The following KCNAB2 variants were observed in gnomAD, a reference collection of about 807,000 sequenced individuals.
The protein encoded by KCNAB2 is voltage-gated potassium channel subunit beta-2.
Under a neutral mutation model 63.6 loss-of-function variants are expected in KCNAB2, and 29 were observed. The observed-to-expected ratio is 0.46, with a 90% confidence interval of 0.34 to 0.62. The LOEUF (loss-of-function observed/expected upper bound fraction) is 0.62. Ranked by LOEUF, KCNAB2 falls within the 20% of genes least tolerant of loss-of-function variation. KCNAB2 has a pLI of 0.01. For missense variants in KCNAB2, 359 were observed against 563.9 expected (o/e 0.64, Z 3.68); for synonymous variants, 222 against 224.2 (o/e 0.99, Z 0.09).
chr1:6,009,991 C>T (rs1028028577), intron 1 of KCNAB2, among the ~76,000 whole-genome samples: 1 of 151,946 alleles, frequency 6.6e-6, no homozygotes, highest in South Asian at 2.1e-4. Flanking sequence ...CTGCCTCGGC[C>T]TCTGGTGTAG....
chr1:6,052,412 C>T (rs972449719), intron 2 of KCNAB2, among the ~76,000 whole-genome samples: 2 of 149,184 alleles, frequency 1.3e-5, no homozygotes, highest in Admixed American at 6.7e-5. Context: ...GGTGACAGAG[C>T]GAGACTCCAT....
At chr1:6,054,743 T>C (rs1384619185) in intron 2 of KCNAB2, among the ~76,000 whole-genome samples, 2 of 152,210 alleles carry the variant, frequency 1.3e-5, no homozygotes, top group African/African-American at 4.8e-5. Flanking sequence ...TCTGATTGGT[T>C]GCAGAAAGTG....
At chr1:6,011,932 G>A (rs993979939) in intron 1 of KCNAB2, among the ~76,000 whole-genome samples, 3 of 152,224 alleles carry the variant, frequency 2.0e-5, no homozygotes, top group African/African-American at 4.8e-5. Flanking sequence ...GAAAGCAGTA[G>A]TGCTCAGAGG....
At chr1:6,042,717 C>CT (rs1660592846), upstream of KCNAB2, among the ~76,000 whole-genome samples, 1 of 152,164 alleles carries the variant, frequency 6.6e-6, no homozygotes, top group Non-Finnish European at 1.5e-5. Context: ...GCCGGGAGGT[C>CT]TCTCTATTCG....
intron 1 of KCNAB2, among the ~76,000 whole-genome samples, chr1:6,021,805 T>C (rs1029664782): frequency 6.6e-6 from 1 of 151,578 alleles, no homozygotes; most frequent in African/African-American, 2.4e-5. Context: ...GAGTGTACAG[T>C]TCAGTGGTAT....
At chr1:5,996,921 C>A (rs190792109) in intron 1 of KCNAB2, among the ~76,000 whole-genome samples, 2 of 152,318 alleles carry the variant, frequency 1.3e-5, no homozygotes, top group Non-Finnish European at 2.9e-5. Context: ...TCCTGTAGAC[C>A]CCTGAGGTCT....
At chr1:6,084,495 G>A (rs538537091) in intron 5 of KCNAB2, among the ~76,000 whole-genome samples, 3 of 152,352 alleles carry the variant, frequency 2.0e-5, no homozygotes, top group East Asian at 3.9e-4. Flanking sequence ...AAAACAGAGC[G>A]TGACTTGATG....
chr1:6,056,021 G>A (rs1416130862), intron 2 of KCNAB2, among the ~76,000 whole-genome samples: 5 of 151,772 alleles, frequency 3.3e-5, no homozygotes, highest in Non-Finnish European at 1.5e-5. Context: ...GCTGATGGAG[G>A]TGGACGGCAG....
intron 2 of KCNAB2, among the ~76,000 whole-genome samples, chr1:6,058,211 C>T (rs1662004427): frequency 6.6e-6 from 1 of 152,174 alleles, no homozygotes; most frequent in African/African-American, 2.4e-5. Context: ...TAATCCAGGA[C>T]CATCGCATCT....
intron 15 of KCNAB2, 108 bp downstream of exon 15, chr1:6,097,465 G>A: frequency 6.5e-7 from 1 of 1,532,866 alleles, no homozygotes; most frequent in Non-Finnish European, 8.8e-7. Flanking sequence ...TAGGCACTCA[G>A]GATGCGCCCG....
At chr1:6,067,528 C>T (rs919110040) in intron 2 of KCNAB2, among the ~76,000 whole-genome samples, 7 of 152,170 alleles carry the variant, frequency 4.6e-5, no homozygotes, top group Non-Finnish European at 1.5e-5. Context: ...TAAGCCAACC[C>T]TTGCTGGAGG....
intron 1 of KCNAB2, chr1:6,018,697 C>T (rs1658655423): frequency 6.6e-6 from 1 of 152,188 alleles, no homozygotes. Flanking sequence ...CCCTCCCTAC[C>T]CTGTGTGGAC....
intron 1 of KCNAB2, among the ~76,000 whole-genome samples, chr1:5,998,737 A>G (rs1657074458): frequency 6.6e-6 from 1 of 152,196 alleles, no homozygotes; most frequent in African/African-American, 2.4e-5. Context: ...TCCCAGGAGC[A>G]GCGAGGGGGC....
chr1:6,029,840 G>A (rs1321024974), upstream of KCNAB2, among the ~76,000 whole-genome samples: 2 of 152,178 alleles, frequency 1.3e-5, no homozygotes, highest in African/African-American at 2.4e-5. Context: ...CACCCAAAGG[G>A]GATGGAATAG....
chr1:6,098,374 G>T, intron 15 of KCNAB2, 111 bp from the exon 16 acceptor site: 1 of 1,512,448 alleles, frequency 6.6e-7, no homozygotes, highest in East Asian at 2.3e-5. Flanking sequence ...ATGTGATGGG[G>T]CAACCCGGGC....
intron 10 of KCNAB2, among the ~76,000 whole-genome samples, chr1:6,093,861 G>T (rs563119092): frequency 6.6e-6 from 1 of 152,140 alleles, no homozygotes; most frequent in Non-Finnish European, 1.5e-5. Flanking sequence ...ACCATATGGC[G>T]CCCCAGGTCC....
rs1432383815 is a variant in KCNAB2, at chr1:6,087,537, CCAGCCCCGGCCCAG to C, written c.470+32_470+45del. 3.7e-6 allele frequency: 6 copies of C among 1,613,350 alleles called. No individual in the cohort carries two copies. In the South Asian group the frequency reaches 5.5e-5, roughly 15 times the overall value. On this transcript the variant is annotated intron_variant, in intron 7 of 15. Coordinates refer to ENST00000378083, the MANE Select transcript of KCNAB2 (RefSeq NM_001199862.2). The surrounding 1 kb of genome is among the most constrained non-coding windows in gnomAD (Gnocchi z 6.4). ...GTAGGTGCAACAGCTGGCGATGCTTCCAGCCCCGGCCCAGCAGCCACGGCCCCGTGCTCCCCAGA... is the reference window on the plus strand; with the variant it reads ...GTAGGTGCAACAGCTGGCGATGCTTCCAGCCACGGCCCCGTGCTCCCCAGA...
chr1:6,072,859 G>A (rs1205885627), intron 3 of KCNAB2, 61 bp downstream of exon 3: 3 of 1,520,980 alleles, frequency 2.0e-6, no homozygotes, highest in Middle Eastern at 1.7e-4. Context: ...GCCGGGCATG[G>A]ACTGAACTGG....
upstream of KCNAB2, among the ~76,000 whole-genome samples, chr1:6,042,416 G>A (rs543022401): frequency 5.9e-5 from 9 of 152,238 alleles, no homozygotes; most frequent in South Asian, 2.1e-4. Flanking sequence ...TTAACAAACC[G>A]GGCACCTGGC....
Sources: allele counts gnomAD v4.1 joint callset (sites outside exome capture counted in the v4.1 genomes callset), GRCh38; gene constraint gnomAD v4.1.1; non-coding constraint Gnocchi (gnomAD v3.1); transcripts MANE v1.5; gene names NCBI Gene and HGNC (gene_info 2026-07-23, HGNC 2026-07-21).